Variants in TCF3 observed in about 807,000 individuals in gnomAD.
The protein encoded by TCF3 is transcription factor 3.
TCF3 carries 54 observed loss-of-function variants against 72.3 expected under a neutral mutation model. The ratio of observed to expected loss-of-function variants is 0.75; its 90% CI spans 0.60 to 0.94. The LOEUF is 0.94. Among genes scored for constraint, TCF3 ranks in the 40% least tolerant of loss-of-function variants. TCF3 has a pLI of 0.00. For missense variants in TCF3, 1,078 were observed against 934.4 expected, an observed-to-expected ratio of 1.15 and a Z score of -2.00; for synonymous variants, 525 against 412.6, an observed-to-expected ratio of 1.27 and a Z score of -3.30.
At chr19:1,642,264 A>ACGCACGCACACC (rs1293714445) in intron 3 of TCF3, among the ~76,000 whole-genome samples, 6 of 151,532 alleles carry the variant, frequency 4.0e-5, no homozygotes, top group African/African-American at 1.2e-4. Flanking sequence ...GTGCGCACAC[A>ACGCACGCACACC]CGCACGCACA....
chr19:1,639,340 A>G (rs2064907332), intron 3 of TCF3, among the ~76,000 whole-genome samples: 1 of 152,166 alleles, frequency 6.6e-6, no homozygotes, highest in African/African-American at 2.4e-5. Context: ...CACCACCACC[A>G]GCCAAGGAAC....
chr19:1,640,053 G>A (rs919695975), intron 3 of TCF3, among the ~76,000 whole-genome samples: 2 of 152,214 alleles, frequency 1.3e-5, no homozygotes, highest in Admixed American at 6.5e-5. Context: ...GCCGAGTCAA[G>A]AACAAAGAAA....
At chr19:1,637,300 GCAACCTCCTCTACCAGAACCGAGGA>G (rs1243979358) in intron 3 of TCF3, among the ~76,000 whole-genome samples, 6 of 148,326 alleles carry the variant, frequency 4.0e-5, no homozygotes, top group African/African-American at 1.5e-4. Flanking sequence ...GGGATGCCTG[GCAACCTCCTCTACCAGAACCGAGGA>G]CAACCTCCTC....
In TCF3 at chr19:1,610,320, GGCCCCA is replaced by G; in HGVS notation, c.*1381_*1386del. The G allele has an allele frequency of 4.3e-6, 1 of 232,036 alleles. No homozygotes were observed. Among genetic ancestry groups the G allele is most frequent in the Non-Finnish European group, 8.5e-6 (1 of 117,386 alleles). 14.4% of individuals were successfully genotyped at this position (232,036 alleles called of 1,614,324 possible). On this transcript the variant is annotated 3_prime_UTR_variant, in exon 19 of 19. Transcript: ENST00000262965. ...CACACAGAGGGAGGGCAGCAGGTGT[GGCCCCA>G]GGCCCAGGGATGCTCCCCAGCATTG...
intron 3 of TCF3, 35 bp from the exon 4 acceptor site, chr19:1,632,440 T>G (rs377085258): frequency 1.9e-6 from 3 of 1,555,896 alleles, no homozygotes; most frequent in Non-Finnish European, 1.7e-6. Flanking sequence ...TGGGTCACCC[T>G]CACGCCTGCC....
intron 3 of TCF3, among the ~76,000 whole-genome samples, chr19:1,642,942 C>G (rs184536554): frequency 1.3e-5 from 2 of 152,208 alleles, no homozygotes; most frequent in Admixed American, 6.5e-5. Context: ...GTCACACTTA[C>G]AATCGCACGG....
At chr19:1,612,147 T>C in intron 18 of TCF3, 8 of 1,484,954 alleles carry the variant, frequency 5.4e-6, no homozygotes, top group South Asian at 5.3e-5. Flanking sequence ...GACCCCAGCA[T>C]CTGCACCTGG....
intron 3 of TCF3, among the ~76,000 whole-genome samples, chr19:1,638,838 G>A (rs1286608224): frequency 1.3e-5 from 2 of 152,208 alleles, no homozygotes; most frequent in East Asian, 3.8e-4. Flanking sequence ...GGAGCACACA[G>A]ATGGAAAAAC....
intron 3 of TCF3, among the ~76,000 whole-genome samples, chr19:1,633,731 C>T (rs1443397058): frequency 6.6e-6 from 1 of 152,132 alleles, no homozygotes; most frequent in East Asian, 1.9e-4. Flanking sequence ...CAGGGGGCTC[C>T]TGTGGTCTCC....
At chr19:1,641,082 G>A (rs979854950) in intron 3 of TCF3, among the ~76,000 whole-genome samples, 4 of 150,188 alleles carry the variant, frequency 2.7e-5, no homozygotes, top group South Asian at 2.1e-4. Flanking sequence ...CTCAGGAGGC[G>A]GAGGCGGAGG....
rs1488634694 is a variant in TCF3 at position 1,614,197 on chromosome 19, C to A, written c.1822+1088G>T. On this transcript the variant is annotated intron_variant, in intron 18 of 18. Coordinates refer to ENST00000262965, the MANE Select transcript of TCF3 (RefSeq NM_003200.5). This position sits in a 1 kb window ranked among gnomAD's most constrained non-coding sequence, Gnocchi z 5.6. ...CTTAGTCTCTAGGGGGCTGCCTCAC[C>A]CACTTGCCTGCCCACCCTGCCTTAG... is the stretch of plus-strand genomic sequence containing the variant. 1.3e-5 allele frequency among the ~76,000 whole-genome samples: 2 copies of A among 152,232 alleles called. No homozygotes were observed. The highest frequency in any genetic ancestry group is 2.9e-5 in the Non-Finnish European group (2 of 68,026).
intron 13 of TCF3, among the ~76,000 whole-genome samples, 156 bp downstream of exon 13, chr19:1,620,812 G>T (rs763555203): frequency 1.6e-4 from 25 of 152,292 alleles, no homozygotes; most frequent in Admixed American, 2.6e-4. Flanking sequence ...GCCCTTGGGG[G>T]CCATCTGCTC....
Position 1,611,393 on chromosome 19 carries a change from G to A in TCF3, c.*314C>T. 1 of 400,698 alleles carries A rather than the reference G, an allele frequency of 2.5e-6. No homozygotes were observed. The highest frequency in any genetic ancestry group is 4.4e-6 in the Non-Finnish European group (1 of 227,648). The allele number at this position is 400,698 out of a possible 1,614,324, so 24.8% of individuals were successfully genotyped here. A position where few individuals can be genotyped will look rare whatever the true frequency, so the allele number is the denominator to read the frequency against. ...TACTGGAAAAAAAAAAAATGCTCCT[G>A]TCAGCCCAGGCAACAGGGCCAAGAT... On this transcript the variant is annotated 3_prime_UTR_variant, in exon 19 of 19. Transcript: ENST00000262965.
intron 16 of TCF3, among the ~76,000 whole-genome samples, chr19:1,616,949 A>G (rs1371657716): frequency 6.7e-6 from 1 of 149,574 alleles, no homozygotes; most frequent in African/African-American, 2.4e-5. Context: ...AAGGACAAAA[A>G]GAAAGTAACT....
intron 3 of TCF3, among the ~76,000 whole-genome samples, chr19:1,637,088 G>T (rs1266595068): frequency 2.0e-5 from 3 of 151,854 alleles, no homozygotes; most frequent in Non-Finnish European, 2.9e-5. Flanking sequence ...CCAGCACGGG[G>T]GACAACCTCC....
At position 1,615,659 on chromosome 19, in the gene TCF3, G is replaced by A. The variant is rs1259217730; in HGVS notation, c.1586+27C>T. On this transcript the variant is annotated intron_variant, in intron 17 of 18. Coordinates refer to ENST00000262965, the MANE Select transcript of TCF3 (RefSeq NM_003200.5). The surrounding 1 kb of genome is among the most constrained non-coding windows in gnomAD (Gnocchi z 7.3). The stretch of plus-strand genomic sequence containing the variant: ...ATGTGCGTCCTGATGGGGTGAGGGT[G>A]GGGAGTGCCGAGGGGTGGGTTGGCA... 6.2e-7 allele frequency: 1 copy of A among 1,612,920 alleles called. No homozygotes were observed. Among genetic ancestry groups the A allele is most frequent in the Admixed American group, 1.7e-5 (1 of 59,988 alleles).
At position 1,646,338 on chromosome 19, in the gene TCF3, G is replaced by A; in HGVS notation, c.145+17C>T. On this transcript the variant is annotated intron_variant, in intron 3 of 18. Coordinates refer to ENST00000262965, the MANE Select transcript of TCF3 (RefSeq NM_003200.5). ...TCTCCTCACTCCACGAGCGCTGGCA[G>A]GAAGGCGGGGTCCTACCTGAACCTC... is the stretch of plus-strand genomic sequence containing the variant. 3.9e-6 allele frequency: 6 copies of A among 1,550,098 alleles called. No individual in the cohort carries two copies. The highest frequency in any genetic ancestry group is 1.7e-4 in the Middle Eastern group (1 of 5,984).
At chr19:1,645,327 G>C (rs191446306) in intron 3 of TCF3, among the ~76,000 whole-genome samples, 322 of 152,240 alleles carry the variant, frequency 2.1e-3, no homozygotes, top group Non-Finnish European at 2.8e-3. Flanking sequence ...TGGCTCTGAA[G>C]CAGCATCGGG....
rs2060999676 is a variant in TCF3, at chr19:1,611,711, A to G, written c.1961T>C (p.Met654Thr). 4 of 1,612,632 alleles carry G rather than the reference A, an allele frequency of 2.5e-6. No homozygotes were observed. Residue 654 changes from methionine to threonine, a missense_variant, in exon 19 of 19, where the codon ATG becomes ACG. Transcript: ENST00000262965. ...LSEAHNPAGH[M>T] The stretch of plus-strand genomic sequence containing the variant: ...CGTCCCACGGAGGCATACCTTTCAC[A>G]TGTGCCCGGCGGGGTTGTGGGCTTC...
Sources: gnomAD v4.1 joint callset for allele counts (sites outside exome capture counted in the v4.1 genomes callset) on GRCh38, gnomAD v4.1.1 for gene constraint, Gnocchi (gnomAD v3.1) non-coding constraint, MANE v1.5 for transcripts, NCBI Gene and HGNC (gene_info 2026-07-23, HGNC 2026-07-21) for gene names.